PTPRN2: variants seen among roughly 807,000 people sequenced by gnomAD.
PTPRN2 encodes the protein protein tyrosine phosphatase receptor type N2.
Under a neutral mutation model 118.8 loss-of-function variants are expected in PTPRN2, and 74 were observed. The observed-to-expected ratio is 0.62, with a 90% CI of 0.52 to 0.76. The LOEUF is 0.76. Ranked by LOEUF, PTPRN2 falls within the 30% of genes least tolerant of loss-of-function variation. PTPRN2 has a pLI of 0.00. For missense variants in PTPRN2, 1,481 were observed against 1,394.4 expected, an observed-to-expected ratio of 1.06 and a Z score of -0.99; for synonymous variants, 641 against 608.0, an observed-to-expected ratio of 1.05 and a Z score of -0.80.
At chr7:157,992,153 A>G (rs1393621957) in intron 11 of PTPRN2, among the ~76,000 whole-genome samples, 1 of 152,240 alleles carries the variant, frequency 6.6e-6, no homozygotes, top group Non-Finnish European at 1.5e-5. Context: ...TATATCATCT[A>G]ATACATGGAA....
At chr7:158,531,743 C>T (rs1825256049) in intron 1 of PTPRN2, among the ~76,000 whole-genome samples, 1 of 152,186 alleles carries the variant, frequency 6.6e-6, no homozygotes, top group African/African-American at 2.4e-5. Flanking sequence ...ATAAAACAAC[C>T]TCCAAACACC....
intron 12 of PTPRN2, among the ~76,000 whole-genome samples, chr7:157,824,607 G>A (rs1438885401): frequency 1.3e-5 from 2 of 152,224 alleles, no homozygotes; most frequent in East Asian, 3.9e-4. Context: ...GCAAAATAGG[G>A]AATGGAGGCT....
At chr7:157,726,223 C>T (rs574116842) in intron 12 of PTPRN2, among the ~76,000 whole-genome samples, 2 of 140,518 alleles carry the variant, frequency 1.4e-5, no homozygotes, top group Non-Finnish European at 1.5e-5. Flanking sequence ...TGGATATCCA[C>T]ACGCAGAGGA....
intron 11 of PTPRN2, among the ~76,000 whole-genome samples, chr7:158,079,813 T>A (rs1812657250): frequency 6.6e-6 from 1 of 152,116 alleles, no homozygotes; most frequent in Admixed American, 6.5e-5. Context: ...TTGGTATGGA[T>A]CCCACTGACT....
chr7:158,019,023 T>C (rs1331591616), intron 11 of PTPRN2, among the ~76,000 whole-genome samples: 1 of 126,666 alleles, frequency 7.9e-6, no homozygotes, highest in African/African-American at 3.0e-5. Flanking sequence ...CAGAGTGAAA[T>C]TAATTCATTA....
chr7:158,441,264 GT>G (rs1413633991), intron 2 of PTPRN2, among the ~76,000 whole-genome samples: 1 of 83,190 alleles, frequency 1.2e-5, no homozygotes, highest in Non-Finnish European at 3.2e-5. Flanking sequence ...GATGGTGATG[GT>G]GATAGTGATG....
intron 3 of PTPRN2, among the ~76,000 whole-genome samples, chr7:158,214,431 C>CA (rs938100943): frequency 1.3e-5 from 2 of 148,718 alleles, no homozygotes; most frequent in African/African-American, 5.0e-5. Flanking sequence ...CACACACACA[C>CA]AACTAAAGCA....
intron 10 of PTPRN2, among the ~76,000 whole-genome samples, chr7:158,094,241 C>T (rs1346386061): frequency 6.6e-6 from 1 of 152,218 alleles, no homozygotes; most frequent in Non-Finnish European, 1.5e-5. Flanking sequence ...GGCCGGATCT[C>T]ACCAGGAGCA....
intron 1 of PTPRN2, among the ~76,000 whole-genome samples, chr7:158,523,410 GAGCGGAGTCTGCCCTGA>G (rs1406767518): frequency 1.9e-4 from 24 of 129,082 alleles, no homozygotes; most frequent in East Asian, 5.2e-4. Flanking sequence ...ATCTGCCCTG[GAGCGGAGTCTGCCCTGA>G]AGCGGAGTCT....
chr7:157,751,693 G>A (rs1423036525), intron 12 of PTPRN2, among the ~76,000 whole-genome samples: 11 of 151,980 alleles, frequency 7.2e-5, no homozygotes, highest in Admixed American at 6.6e-4. Context: ...TGGAAAGCCC[G>A]ACATCACTTG....
intron 12 of PTPRN2, among the ~76,000 whole-genome samples, chr7:157,732,282 C>T (rs1585329091): frequency 1.1e-4 from 2 of 18,884 alleles, no homozygotes; most frequent in Admixed American, 8.0e-4. Flanking sequence ...GCACAGTTAC[C>T]CTTTCCCGTC....
At chr7:158,328,924 G>C (rs570890527) in intron 2 of PTPRN2, among the ~76,000 whole-genome samples, 1 of 150,798 alleles carries the variant, frequency 6.6e-6, no homozygotes, top group African/African-American at 2.4e-5. Context: ...GGCCTGGGAC[G>C]GTAAATCCAG....
At chr7:158,317,026 T>TGTGCCG in intron 2 of PTPRN2, 94 bp from the exon 3 acceptor site, 1 of 911,362 alleles carries the variant, frequency 1.1e-6, no homozygotes. Flanking sequence ...GTTCTGATCA[T>TGTGCCG]GTGCCGCCGT....
chr7:157,701,697 T>C (rs572435387), intron 12 of PTPRN2, among the ~76,000 whole-genome samples: 1 of 152,372 alleles, frequency 6.6e-6, no homozygotes, highest in African/African-American at 2.4e-5. Flanking sequence ...GTTCTAGGTA[T>C]GAAAGCTTCT....
At chr7:157,755,887 T>A (rs1801750235) in intron 12 of PTPRN2, among the ~76,000 whole-genome samples, 1 of 152,050 alleles carries the variant, frequency 6.6e-6, no homozygotes, top group African/African-American at 2.4e-5. Flanking sequence ...TAAAATAAAT[T>A]TGAAAAAAAG....
intron 11 of PTPRN2, among the ~76,000 whole-genome samples, chr7:157,920,012 C>T (rs1045734696): frequency 3.9e-5 from 6 of 152,186 alleles, no homozygotes; most frequent in East Asian, 1.9e-4. Context: ...AGCCTAGCAG[C>T]GCTGTCCCAT....
chr7:157,579,042 C>T (rs1800209620), intron 17 of PTPRN2, among the ~76,000 whole-genome samples: 1 of 13,976 alleles, frequency 7.2e-5, no homozygotes, highest in African/African-American at 1.3e-3. Flanking sequence ...TAAAAACAGA[C>T]ACAAAATCCA....
chr7:157,750,499 GGC>G (rs1801398239), intron 12 of PTPRN2, among the ~76,000 whole-genome samples: 1 of 152,208 alleles, frequency 6.6e-6, no homozygotes, highest in Non-Finnish European at 1.5e-5. Context: ...GGCAGGAAGT[GGC>G]AGGTAACATG....
intron 2 of PTPRN2, among the ~76,000 whole-genome samples, chr7:158,362,323 C>T (rs772097405): frequency 2.0e-5 from 3 of 152,178 alleles, no homozygotes; most frequent in African/African-American, 4.8e-5. Flanking sequence ...CCCCTGTGCC[C>T]GGCACTTTCC....
Sources: allele counts gnomAD v4.1 joint callset (sites outside exome capture counted in the v4.1 genomes callset), GRCh38; gene constraint gnomAD v4.1.1; transcripts MANE v1.5; gene names NCBI Gene and HGNC (gene_info 2026-07-23, HGNC 2026-07-21).